ZNF407: variants seen among roughly 807,000 people sequenced by gnomAD.
ZNF407 encodes the protein zinc finger protein 407.
Under a neutral mutation model 131.2 loss-of-function variants are expected in ZNF407, and 17 were observed. That is an observed-to-expected ratio of 0.13 (90% CI 0.09 to 0.19). ZNF407 has a LOEUF of 0.19. ZNF407 is among the 10% of genes least tolerant of loss of function. ZNF407 has a pLI of 1.00. For synonymous variants in ZNF407, 1,156 were observed against 1,062.0 expected (o/e 1.09, Z -1.72); for missense variants, 2,681 against 2,830.6 (o/e 0.95, Z 1.20).
At chr18:74,838,851 G>T (rs990602191) in intron 4 of ZNF407, among the ~76,000 whole-genome samples, 1 of 152,018 alleles carries the variant, frequency 6.6e-6, no homozygotes, top group Non-Finnish European at 1.5e-5. Context: ...ATGCTTTTAT[G>T]TATAATTTCA....
rs1418322002 is a variant in ZNF407 at position 74,623,336 on chromosome 18, A to AT, written c.-53-7630dup. Among the ~76,000 whole-genome samples, 17 of 62,518 alleles carry AT rather than the reference A, an allele frequency of 2.7e-4. No individual in the cohort carries two copies. In the Middle Eastern group the frequency reaches 0.039, roughly 145 times the overall value. 41.0% of individuals were successfully genotyped at this position (62,518 alleles called of 152,430 possible). A position where few individuals can be genotyped will look rare whatever the true frequency, so the allele number is the denominator to read the frequency against. On this transcript the variant is annotated intron_variant, in intron 1 of 8. Coordinates refer to ENST00000299687, the MANE Select transcript of ZNF407 (RefSeq NM_017757.3). ...AGGGTAAGTGCATGTGTGAAACTGCATGTGTGAGTGTGAGTGCGCGTGTGC... is the reference window on the plus strand; with the variant it reads ...AGGGTAAGTGCATGTGTGAAACTGCATTGTGTGAGTGTGAGTGCGCGTGTGC...
At chr18:74,831,224 G>A (rs1240188579) in intron 4 of ZNF407, among the ~76,000 whole-genome samples, 2 of 152,180 alleles carry the variant, frequency 1.3e-5, no homozygotes, top group Non-Finnish European at 2.9e-5. Flanking sequence ...TGAACAGCAT[G>A]GCAGTAAACA....
intron 4 of ZNF407, among the ~76,000 whole-genome samples, chr18:74,872,754 CAA>C (rs1285226958): frequency 1.5e-5 from 1 of 68,076 alleles, no homozygotes; most frequent in Non-Finnish European, 2.9e-5. Flanking sequence ...GACTCAGTCT[CAA>C]AAAAAAAAAG....
chr18:74,749,770 T>C (rs1313251474), intron 3 of ZNF407, among the ~76,000 whole-genome samples: 1 of 152,202 alleles, frequency 6.6e-6, no homozygotes. Flanking sequence ...CAACAGTAGG[T>C]CAAGTCTTAA....
In ZNF407 at chr18:74,631,059, G is replaced by A. The variant is rs1984036687; in HGVS notation, c.40G>A (p.Glu14Lys). ...GAATAAACCCGAAAATGATGAGGAT[G>A]AAAAGATAAACAAAGAAGCACAAGA... is the stretch of plus-strand genomic sequence containing the variant. ...SENKPENDED[E>K]KINKEAQDLT... The change falls in exon 2 of 9, where the codon GAA (glutamate) becomes AAA (lysine). Residue 14 changes from glutamate to lysine, a missense_variant. Glu to Lys is a moderately conservative substitution (Grantham distance 56). Coordinates refer to ENST00000299687, the MANE Select transcript of ZNF407 (RefSeq NM_017757.3). 2 of 1,611,782 alleles carry A rather than the reference G, an allele frequency of 1.2e-6. No individual in the cohort carries two copies. The highest frequency in any genetic ancestry group is 1.7e-6 in the Non-Finnish European group (2 of 1,179,318).
At chr18:74,725,942 A>G (rs1320072134) in intron 3 of ZNF407, among the ~76,000 whole-genome samples, 1 of 152,184 alleles carries the variant, frequency 6.6e-6, no homozygotes, top group Non-Finnish European at 1.5e-5. Flanking sequence ...CTTGGATTCT[A>G]TTATGACTGT....
chr18:75,002,036 C>G (rs1023500463), intron 8 of ZNF407, among the ~76,000 whole-genome samples: 16 of 152,172 alleles, frequency 1.1e-4, no homozygotes, highest in Non-Finnish European at 2.1e-4. Flanking sequence ...CCAGAGAGCC[C>G]GGTCTCCACA....
intron 8 of ZNF407, among the ~76,000 whole-genome samples, chr18:74,972,141 A>C (rs1972479961): frequency 1.3e-5 from 2 of 152,148 alleles, no homozygotes; most frequent in South Asian, 4.1e-4. Flanking sequence ...GATACAATTC[A>C]AGTTGAGATT....
intron 3 of ZNF407, among the ~76,000 whole-genome samples, chr18:74,678,803 T>G (rs146070992): frequency 6.6e-6 from 1 of 152,250 alleles, no homozygotes; most frequent in East Asian, 1.9e-4. Context: ...TTTCAAATGT[T>G]AAGTAGAATA....
chr18:74,667,834 A>AT (rs1985991786), intron 3 of ZNF407, among the ~76,000 whole-genome samples: 2 of 152,160 alleles, frequency 1.3e-5, no homozygotes, highest in African/African-American at 4.8e-5. Context: ...TGAAGGGGCC[A>AT]TTTTCAGTTT....
intron 8 of ZNF407, among the ~76,000 whole-genome samples, chr18:75,045,953 A>G (rs1043756285): frequency 6.6e-6 from 1 of 152,172 alleles, no homozygotes; most frequent in Non-Finnish European, 1.5e-5. Flanking sequence ...GTGAATAGGT[A>G]TTTCCCATCT....
intron 3 of ZNF407, among the ~76,000 whole-genome samples, chr18:74,675,474 T>C (rs1227678337): frequency 6.6e-6 from 1 of 152,216 alleles, no homozygotes; most frequent in African/African-American, 2.4e-5. Flanking sequence ...ATTTTTTATG[T>C]GTTCCAGATA....
intron 6 of ZNF407, among the ~76,000 whole-genome samples, chr18:74,886,563 A>G (rs769218441): frequency 2.0e-5 from 3 of 152,242 alleles, no homozygotes; most frequent in South Asian, 2.1e-4. Context: ...ACTACTCTGC[A>G]ACGAAAATAA....
At position 74,894,953 on chromosome 18, in the gene ZNF407, AT is replaced by A. The variant is rs1048430384; in HGVS notation, c.5249+4924del. Among the ~76,000 whole-genome samples the A allele has an allele frequency of 6.6e-5, 10 of 150,928 alleles. No individual in the cohort carries two copies. In the East Asian group the frequency reaches 1.2e-3, roughly 18 times the overall value. ...CTTCTAACCTTACATACCCTTTTTA[AT>A]TTTTTTTTAACTATCTACATCTTTC... On this transcript the variant is annotated intron_variant, in intron 7 of 8. Coordinates refer to ENST00000299687, the MANE Select transcript of ZNF407 (RefSeq NM_017757.3).
At chr18:74,612,069 G>C (rs1011498440) in intron 1 of ZNF407, among the ~76,000 whole-genome samples, 9 of 152,088 alleles carry the variant, frequency 5.9e-5, no homozygotes, top group African/African-American at 1.7e-4. Context: ...TTGAGTGAAT[G>C]TTAGCTGCAT....
intron 1 of ZNF407, among the ~76,000 whole-genome samples, chr18:74,618,684 A>G (rs1348063590): frequency 6.6e-6 from 1 of 152,186 alleles, no homozygotes; most frequent in East Asian, 1.9e-4. Flanking sequence ...TTCCCCGCAA[A>G]GTAATATATT....
At chr18:75,052,567 C>T (rs145863762) in intron 8 of ZNF407, among the ~76,000 whole-genome samples, 4 of 152,288 alleles carry the variant, frequency 2.6e-5, no homozygotes, top group African/African-American at 4.8e-5. Context: ...ACATTCCACC[C>T]GAAAGCATTC....
chr18:74,664,127 C>T (rs1255336887), intron 3 of ZNF407, among the ~76,000 whole-genome samples: 2 of 152,158 alleles, frequency 1.3e-5, no homozygotes, highest in African/African-American at 4.8e-5. Context: ...GCTTTGGGGC[C>T]TGCAGCAGGC....
chr18:75,010,860 C>T (rs1334985828), intron 8 of ZNF407, among the ~76,000 whole-genome samples: 1 of 152,126 alleles, frequency 6.6e-6, no homozygotes, highest in Non-Finnish European at 1.5e-5. Context: ...GAAGAGCAAA[C>T]AACACTTAAG....
Sources: gnomAD v4.1 joint callset for allele counts (sites outside exome capture counted in the v4.1 genomes callset) on GRCh38, gnomAD v4.1.1 for gene constraint, MANE v1.5 for transcripts, NCBI Gene and HGNC (gene_info 2026-07-23, HGNC 2026-07-21) for gene names.